Variants in SYBU observed in about 807,000 individuals in gnomAD.
The protein encoded by SYBU is GOLSYN A protein.
In SYBU, 21 loss-of-function variants were observed where a neutral mutation model predicts 35.9. The observed-to-expected ratio is 0.58, with a 90% CI of 0.41 to 0.84. The LOEUF (loss-of-function observed/expected upper bound fraction) is 0.84. SYBU is among the 40% of genes least tolerant of loss of function. The pLI is 0.00. For synonymous variants in SYBU, 319 were observed against 324.3 expected (o/e 0.98, Z 0.18); for missense variants, 768 against 848.2 (o/e 0.91, Z 1.17).
At chr8:109,601,628 G>A (rs1825532507) in intron 3 of SYBU, among the ~76,000 whole-genome samples, 1 of 152,064 alleles carries the variant, frequency 6.6e-6, no homozygotes, top group African/African-American at 2.4e-5. Context: ...ATATGTCATG[G>A]GAGAGATGAC....
rs1166831840 is a variant in SYBU at position 109,644,709 on chromosome 8, G to A, written c.-50C>T. On this transcript the variant is annotated 5_prime_UTR_variant, in exon 1 of 7. Coordinates refer to ENST00000276646, the MANE Select transcript of SYBU (RefSeq NM_001099754.2). ...GCGCCGCCGCTGCCGCCGTCCAGGA[G>A]GAGGCACCTGCGAGCACGGAGCGAG... 7 of 1,474,078 alleles carry A rather than the reference G, an allele frequency of 4.7e-6. No homozygotes were observed. Among genetic ancestry groups the A allele is most frequent in the Non-Finnish European group, 8.9e-7 (1 of 1,120,806 alleles). 91.3% of individuals were successfully genotyped at this position (1,474,078 alleles called of 1,614,324 possible).
intron 3 of SYBU, among the ~76,000 whole-genome samples, chr8:109,591,779 T>G (rs796385713): frequency 4.6e-5 from 7 of 152,138 alleles, no homozygotes; most frequent in African/African-American, 1.7e-4. Flanking sequence ...CCCAAAGTGC[T>G]GGGATTACAA....
At chr8:109,594,609 A>G (rs1460232405) in intron 3 of SYBU, among the ~76,000 whole-genome samples, 2 of 152,126 alleles carry the variant, frequency 1.3e-5, no homozygotes, top group Non-Finnish European at 1.5e-5. Flanking sequence ...TCACTGTGTG[A>G]CAACTTCCAG....
intron 1 of SYBU, among the ~76,000 whole-genome samples, chr8:109,688,582 C>T (rs1331621568): frequency 6.6e-6 from 1 of 152,136 alleles, no homozygotes; most frequent in Non-Finnish European, 1.5e-5. Context: ...TTTCAAATAA[C>T]TTAATTTACT....
Position 109,575,011 on chromosome 8 carries a change from C to CT in SYBU, c.1886dup (p.Arg630GlufsTer9). Reference sequence around the variant, plus strand: ...TATACACAGGATCCGTTCCCCCTCTCTGAGTACTGAATGCCCACAGAACCG... The same window carrying CT: ...TATACACAGGATCCGTTCCCCCTCTCTTGAGTACTGAATGCCCACAGAACCG... On this transcript the variant is annotated frameshift_variant, in exon 7 of 7. Transcript: ENST00000276646. LOFTEE classifies it high-confidence loss of function. 2.5e-6 allele frequency: 4 copies of CT among 1,594,526 alleles called. No individual in the cohort carries two copies. The highest frequency in any genetic ancestry group is 3.4e-6 in the Non-Finnish European group (4 of 1,169,050).
At chr8:109,655,134 T>A (rs372519450) in intron 1 of SYBU, among the ~76,000 whole-genome samples, 2 of 152,346 alleles carry the variant, frequency 1.3e-5, no homozygotes, top group African/African-American at 4.8e-5. Flanking sequence ...ATTTAATCCT[T>A]GCATTCCGCC....
At chr8:109,639,781 C>T (rs955085657) in intron 2 of SYBU, among the ~76,000 whole-genome samples, 4 of 152,218 alleles carry the variant, frequency 2.6e-5, no homozygotes, top group African/African-American at 7.2e-5. Context: ...CGATTTCCCC[C>T]TGCTGGTTGG....
chr8:109,577,846 C>T (rs371692591), intron 6 of SYBU, 22 bp downstream of exon 6: 15 of 1,597,686 alleles, frequency 9.4e-6, no homozygotes, highest in African/African-American at 2.7e-5. Flanking sequence ...TACACCCCAC[C>T]GTTCAAGGAA....
chr8:109,601,544 A>G (rs1825520122), intron 3 of SYBU, among the ~76,000 whole-genome samples: 1 of 152,292 alleles, frequency 6.6e-6, no homozygotes, highest in Middle Eastern at 3.4e-3. Flanking sequence ...GTGCAAACAG[A>G]GAGGGCGGGC....
intron 3 of SYBU, among the ~76,000 whole-genome samples, chr8:109,617,952 A>C (rs1811994512): frequency 6.6e-6 from 1 of 152,246 alleles, no homozygotes; most frequent in Non-Finnish European, 1.5e-5. Context: ...ACACAGGGCT[A>C]GGCCTTGGCC....
intron 3 of SYBU, chr8:109,603,446 A>T (rs1055426451): frequency 1.0e-6 from 1 of 982,666 alleles, no homozygotes; most frequent in Non-Finnish European, 1.2e-6. Context: ...TCTCAGTGAC[A>T]TCTGGCACAA....
intron 1 of SYBU, among the ~76,000 whole-genome samples, chr8:109,664,106 A>C (rs1333955920): frequency 6.6e-6 from 1 of 152,216 alleles, no homozygotes; most frequent in Non-Finnish European, 1.5e-5. Flanking sequence ...AAAAAAATTG[A>C]AAGTTTAAGT....
rs370075615 is a variant in SYBU, at chr8:109,642,981, C to A, written c.25-49G>T. 5.9e-5 allele frequency: 86 copies of A among 1,452,848 alleles called. 1 individual carries two copies. In the African/African-American group the frequency reaches 1.1e-3, roughly 18 times the overall value. 90.0% of individuals were successfully genotyped at this position (1,452,848 alleles called of 1,614,324 possible). A position where few individuals can be genotyped will look rare whatever the true frequency, so the allele number is the denominator to read the frequency against. On this transcript the variant is annotated intron_variant, in intron 1 of 6. Coordinates refer to ENST00000276646, the MANE Select transcript of SYBU (RefSeq NM_001099754.2). ...AAAACAAAAGGAAACGCGTTTCCCTCTCTTAACTCCTGTCGGTTCCTTCAA... is the reference window on the plus strand; with the variant it reads ...AAAACAAAAGGAAACGCGTTTCCCTATCTTAACTCCTGTCGGTTCCTTCAA...
chr8:109,659,295 G>A (rs1451920229), intron 1 of SYBU, among the ~76,000 whole-genome samples: 2 of 152,086 alleles, frequency 1.3e-5, no homozygotes, highest in African/African-American at 4.8e-5. Flanking sequence ...TTAGCCAAAG[G>A]GAATTTCTGG....
rs372309010 is a variant in SYBU, at chr8:109,618,856, C to T, written c.413G>A (p.Gly138Asp). The change falls in exon 3 of 7, where the codon GGC becomes GAC. Residue 138 changes from glycine (G) to aspartate (D), a missense_variant. Gly to Asp is a moderately conservative substitution (Grantham distance 94). Coordinates refer to ENST00000276646, the MANE Select transcript of SYBU (RefSeq NM_001099754.2). Reference protein sequence around the residue: ...SSRYKKESKSGLVKPGSEADF... With the variant: ...SSRYKKESKSDLVKPGSEADF... ...AGTTCACTGACCTGGTTTCACAAGG[C>T]CTGACTTTGATTCCTTCTTATATCG... is the stretch of plus-strand genomic sequence containing the variant. The T allele has an allele frequency of 1.2e-6, 2 of 1,614,112 alleles. No homozygotes were observed. Among genetic ancestry groups the T allele is most frequent in the South Asian group, 1.1e-5 (1 of 91,086 alleles).
chr8:109,608,215 C>G, intron 3 of SYBU: 1 of 420,922 alleles, frequency 2.4e-6, no homozygotes. Flanking sequence ...TGAATGGACA[C>G]AAAGGATTTG....
upstream of SYBU, among the ~76,000 whole-genome samples, chr8:109,685,155 A>G (rs531789961): frequency 6.6e-6 from 1 of 152,320 alleles, no homozygotes; most frequent in East Asian, 1.9e-4. Context: ...ATTTGTAAAG[A>G]GGAAATTGTA....
intron 3 of SYBU, among the ~76,000 whole-genome samples, chr8:109,607,442 C>T (rs1318415214): frequency 1.3e-5 from 2 of 152,090 alleles, no homozygotes; most frequent in African/African-American, 2.4e-5. Flanking sequence ...ATAAATACAT[C>T]GTGTTTCAGC....
intron 2 of SYBU, among the ~76,000 whole-genome samples, chr8:109,633,461 C>G (rs533546109): frequency 6.6e-6 from 1 of 152,150 alleles, no homozygotes; most frequent in Non-Finnish European, 1.5e-5. Context: ...GGTTTGGGTT[C>G]CCTAAAAAGA....
Sources: gnomAD v4.1 joint callset for allele counts (sites outside exome capture counted in the v4.1 genomes callset) on GRCh38, gnomAD v4.1.1 for gene constraint, MANE v1.5 for transcripts, NCBI Gene and HGNC (gene_info 2026-07-23, HGNC 2026-07-21) for gene names.